Variants in RPAP3 observed in about 807,000 individuals in gnomAD.
RPAP3 encodes the protein RNA polymerase II associated protein 3, also known as RNA polymerase II-associated protein 3.
RPAP3 carries 58 observed loss-of-function variants against 88.8 expected under a neutral mutation model. The observed-to-expected ratio is 0.65, with a 90% confidence interval of 0.53 to 0.81. The LOEUF (loss-of-function observed/expected upper bound fraction) is 0.81. RPAP3 is among the 40% of genes least tolerant of loss of function. The pLI is 0.00. For synonymous variants in RPAP3, 255 were observed against 259.9 expected (o/e 0.98, Z 0.18); for missense variants, 751 against 764.3 (o/e 0.98, Z 0.20).
At chr12:47,696,625 A>G (rs1858606738) in intron 4 of RPAP3, among the ~76,000 whole-genome samples, 1 of 151,692 alleles carries the variant, frequency 6.6e-6, no homozygotes, top group South Asian at 2.1e-4. Flanking sequence ...CCCCCTCCTC[A>G]GCCTACTCAA....
chr12:47,702,367 G>A (rs1018759744), intron 2 of RPAP3, among the ~76,000 whole-genome samples: 2 of 151,832 alleles, frequency 1.3e-5, no homozygotes, highest in African/African-American at 2.4e-5. Context: ...CCAACATGAT[G>A]AGACCCCGTC....
chr12:47,695,577 CTG>C (rs1323206462), intron 5 of RPAP3, among the ~76,000 whole-genome samples: 1 of 152,038 alleles, frequency 6.6e-6, no homozygotes, highest in African/African-American at 2.4e-5. Flanking sequence ...AAACTATTCT[CTG>C]TAATTTATGT....
chr12:47,663,574 AAAT>A lies in RPAP3; in HGVS notation c.1926_1928del (p.Leu642del). The A allele has an allele frequency of 6.3e-7, 1 of 1,576,882 alleles. No individual in the cohort carries two copies. The highest frequency in any genetic ancestry group is 8.6e-7 in the Non-Finnish European group (1 of 1,161,272). On this transcript the variant is annotated inframe_deletion, in exon 17 of 17. Coordinates refer to ENST00000005386, the MANE Select transcript of RPAP3 (RefSeq NM_024604.3). ...TCAATCCTGACTTGTCTATGTGATT[AAAT>A]AATGCACGTGCAACTGAAAAAGAAA... is the stretch of plus-strand genomic sequence containing the variant.
At chr12:47,670,442 T>C in intron 12 of RPAP3, 97 bp from the exon 13 acceptor site, 2 of 664,476 alleles carry the variant, frequency 3.0e-6, no homozygotes, top group Non-Finnish European at 5.1e-6. Flanking sequence ...ACAGCTAATA[T>C]CCCAGTGATT....
At chr12:47,683,911 C>T (rs1388633613) in intron 9 of RPAP3, among the ~76,000 whole-genome samples, 1 of 152,110 alleles carries the variant, frequency 6.6e-6, no homozygotes, top group African/African-American at 2.4e-5. Context: ...GGTTCCAGTT[C>T]CAGCAACCAA....
chr12:47,693,144 T>C (rs551388004), intron 5 of RPAP3, among the ~76,000 whole-genome samples: 13 of 152,092 alleles, frequency 8.5e-5, no homozygotes, highest in African/African-American at 3.1e-4. Context: ...GCCTCCCAAA[T>C]TGCTGGGATT....
chr12:47,702,678 C>A lies in RPAP3; in HGVS notation c.153+10G>T. ...TTTTGGTGGATCTTAATTACGAATT[C>A]TTAATTTACCTCTTCAGGAACACCA... On this transcript the variant is annotated intron_variant, in intron 2 of 16. Coordinates refer to ENST00000005386, the MANE Select transcript of RPAP3 (RefSeq NM_024604.3). 2 of 1,523,490 alleles carry A rather than the reference C, an allele frequency of 1.3e-6. No homozygotes were observed. Among genetic ancestry groups the A allele is most frequent in the South Asian group, 1.3e-5 (1 of 75,748 alleles). 94.4% of individuals were successfully genotyped at this position (1,523,490 alleles called of 1,614,324 possible). A position where few individuals can be genotyped will look rare whatever the true frequency, so the allele number is the denominator to read the frequency against.
At chr12:47,669,198 T>C (rs900658030) in intron 13 of RPAP3, 96 bp from the exon 14 acceptor site, 68 of 716,106 alleles carry the variant, frequency 9.5e-5, no homozygotes, top group South Asian at 8.5e-4. Flanking sequence ...TTTTGACTAT[T>C]AATATTGTAT....
In RPAP3 at chr12:47,679,684, G is replaced by C; in HGVS notation, c.1185+20C>G. On this transcript the variant is annotated intron_variant, in intron 11 of 16. Transcript: ENST00000005386. ...TGTTTCAGAAAATATGACCATGTTT[G>C]GGTGAAAAGAATACATTACCTTTTT... 6.4e-7 allele frequency: 1 copy of C among 1,568,246 alleles called. No individual in the cohort carries two copies. The highest frequency in any genetic ancestry group is 8.7e-7 in the Non-Finnish European group (1 of 1,145,512).
Position 47,670,156 on chromosome 12 carries a change from T to G in RPAP3, c.1477A>C (p.Arg493=), listed in dbSNP as rs1159239794. The G allele has an allele frequency of 6.2e-7, 1 of 1,613,630 alleles. No homozygotes were observed. The highest frequency in any genetic ancestry group is 1.3e-5 in the African/African-American group (1 of 74,924). The change falls in exon 13 of 17, where the codon AGA becomes CGA. Residue 493 remains arginine (R), a synonymous_variant. Coordinates refer to ENST00000005386, the MANE Select transcript of RPAP3 (RefSeq NM_024604.3). ...TCTTCTATTTTCAATACTTTTGCTCTTGGAGTATCACTTGTGGGAAAAAGG... is the reference window on the plus strand; with the variant it reads ...TCTTCTATTTTCAATACTTTTGCTCGTGGAGTATCACTTGTGGGAAAAAGG... ...DDLFPTSDTP[R]AKVLKIEEVS...
chr12:47,681,340 A>C (rs1386595937), intron 10 of RPAP3, among the ~76,000 whole-genome samples: 1 of 152,196 alleles, frequency 6.6e-6, no homozygotes, highest in East Asian at 1.9e-4. Flanking sequence ...TATTGGCTTC[A>C]AGCATATCAC....
At chr12:47,687,725 G>A (rs1024668118) in intron 8 of RPAP3, 151 bp downstream of exon 8, 25 of 706,462 alleles carry the variant, frequency 3.5e-5, no homozygotes, top group Non-Finnish European at 5.0e-5. Context: ...TTTTGAATTA[G>A]TAGGTCCCAG....
At position 47,670,108 on chromosome 12, in the gene RPAP3, G is replaced by T. The variant is rs766133338; in HGVS notation, c.1525C>A (p.Gln509Lys). 10 of 1,554,190 alleles carry T rather than the reference G, an allele frequency of 6.4e-6. No homozygotes were observed. The highest frequency in any genetic ancestry group is 4.5e-5 in the South Asian group (4 of 89,792). The change falls in exon 13 of 17, where the codon CAA (glutamine) becomes AAA (lysine). Residue 509 changes from glutamine (Q) to lysine (K), a missense_variant and splice_region_variant. Transcript: ENST00000005386. Reference sequence around the variant, plus strand: ...GCAAATAACAGTATTTCTACTCACTGCAGGGATGAAGTATCACTGACTTCT... The same window carrying T: ...GCAAATAACAGTATTTCTACTCACTTCAGGGATGAAGTATCACTGACTTCT... Reference protein sequence around the residue: ...IEEVSDTSSLQPQASLKQDVC... With the variant: ...IEEVSDTSSLKPQASLKQDVC...
intron 12 of RPAP3, among the ~76,000 whole-genome samples, chr12:47,679,197 A>C (rs753230080): frequency 1.6e-4 from 25 of 152,168 alleles, no homozygotes; most frequent in Non-Finnish European, 3.7e-4. Flanking sequence ...GAACTGAACA[A>C]TGAGATCACC....
At chr12:47,674,161 T>C (rs1453701222) in intron 12 of RPAP3, among the ~76,000 whole-genome samples, 1 of 149,848 alleles carries the variant, frequency 6.7e-6, no homozygotes, top group Admixed American at 6.6e-5. Flanking sequence ...CGTTCCAAGA[T>C]GGCCGAATAG....
In RPAP3 at chr12:47,689,172, C is replaced by A; in HGVS notation, c.691G>T (p.Glu231Ter). The A allele has an allele frequency of 6.8e-7, 1 of 1,462,340 alleles. No homozygotes were observed. The allele number at this position is 1,462,340 out of a possible 1,614,324, so 90.6% of individuals were successfully genotyped here. A position where few individuals can be genotyped will look rare whatever the true frequency, so the allele number is the denominator to read the frequency against. ...KKDYERVLEL[E>*]PNNFEATNEL... Reference sequence around the variant, plus strand: ...TTTGTTGCTTCAAAGTTATTTGGTTCTAGTTCTAATACTCTTTCATAATCT... The same window carrying A: ...TTTGTTGCTTCAAAGTTATTTGGTTATAGTTCTAATACTCTTTCATAATCT... Residue 231 changes from glutamate to a stop codon, truncating the protein, a stop_gained, in exon 7 of 17, where the codon GAA (glutamate) becomes TAA (stop). Coordinates refer to ENST00000005386, the MANE Select transcript of RPAP3 (RefSeq NM_024604.3). LOFTEE classifies it high-confidence loss of function.
At chr12:47,703,624 A>C (rs1939703262) in intron 1 of RPAP3, among the ~76,000 whole-genome samples, 1 of 152,174 alleles carries the variant, frequency 6.6e-6, no homozygotes, top group Admixed American at 6.5e-5. Context: ...GAGTCCCCAG[A>C]GGTGTTGGAA....
chr12:47,670,789 A>G (rs941453881), intron 12 of RPAP3, among the ~76,000 whole-genome samples: 1 of 152,202 alleles, frequency 6.6e-6, no homozygotes. Context: ...GGCAGTTTGA[A>G]GACAGCTTAT....
chr12:47,669,173 T>C, intron 13 of RPAP3, 71 bp from the exon 14 acceptor site: 1 of 1,051,626 alleles, frequency 9.5e-7, no homozygotes, highest in Non-Finnish European at 1.4e-6. Flanking sequence ...GAGACATCAA[T>C]AAAAATTTTT....
Sources: gnomAD v4.1 joint callset for allele counts (sites outside exome capture counted in the v4.1 genomes callset) on GRCh38, gnomAD v4.1.1 for gene constraint, MANE v1.5 for transcripts, NCBI Gene and HGNC (gene_info 2026-07-23, HGNC 2026-07-21) for gene names.